The following CCDC171 variants were observed in gnomAD, a reference collection of about 807,000 sequenced individuals.
CCDC171 encodes the protein coiled-coil domain containing 171, also known as coiled-coil domain-containing protein 171.
In CCDC171, 177 loss-of-function variants were observed where a neutral mutation model predicts 168.2. The ratio of observed to expected loss-of-function variants is 1.05; its 90% CI spans 0.93 to 1.19. The LOEUF is 1.19. Ranked by LOEUF, CCDC171 falls within the 50% of genes most tolerant of loss-of-function variation. CCDC171 has a pLI of 0.00. For missense variants in CCDC171, 1,991 were observed against 1,539.0 expected (o/e 1.29, Z -4.91); for synonymous variants, 687 against 540.8 (o/e 1.27, Z -3.75).
Position 15,779,045 on chromosome 9 carries a change from A to C in CCDC171, c.2976A>C (p.Ser992=). 1 of 1,605,188 alleles carries C rather than the reference A, an allele frequency of 6.2e-7. No homozygotes were observed. The highest frequency in any genetic ancestry group is 8.5e-7 in the Non-Finnish European group (1 of 1,176,156). The change falls in exon 20 of 26, where the codon TCA becomes TCC. Residue 992 remains serine, a synonymous_variant. Coordinates refer to ENST00000380701, the MANE Select transcript of CCDC171 (RefSeq NM_173550.4). ...ATGCTGCAGAAGTGGAGCGCCGCTC[A>C]CTACGCTTAGAGGTCACAGAATTCA... The part of the protein sequence containing the change: ...RLHAAEVERR[S]LRLEVTEFKR...
intron 25 of CCDC171, among the ~76,000 whole-genome samples, chr9:15,966,736 A>G (rs992672385): frequency 6.6e-6 from 1 of 152,176 alleles, no homozygotes; most frequent in African/African-American, 2.4e-5. Flanking sequence ...TGATGTCAGT[A>G]AGATAGTCAA....
chr9:15,578,258 A>G (rs1191412933), intron 3 of CCDC171, among the ~76,000 whole-genome samples: 1 of 146,918 alleles, frequency 6.8e-6, no homozygotes, highest in African/African-American at 2.5e-5. Context: ...TTTTTTTTAG[A>G]CGGTCTTGCT....
At chr9:15,581,974 TATC>T (rs1156775965) in intron 4 of CCDC171, among the ~76,000 whole-genome samples, 4 of 152,290 alleles carry the variant, frequency 2.6e-5, no homozygotes, top group African/African-American at 7.2e-5. Context: ...CAAAAGAAAC[TATC>T]ATCAGAATGA....
intron 6 of CCDC171, among the ~76,000 whole-genome samples, chr9:15,594,670 A>C (rs576391814): frequency 6.6e-6 from 1 of 152,140 alleles, no homozygotes; most frequent in Non-Finnish European, 1.5e-5. Context: ...CCCTTTATAC[A>C]TGAGCAGATG....
At position 15,650,227 on chromosome 9, in the gene CCDC171, C is replaced by T. The variant is rs2047400154; in HGVS notation, c.823-6900C>T. On this transcript the variant is annotated intron_variant, in intron 7 of 25. Coordinates refer to ENST00000380701, the MANE Select transcript of CCDC171 (RefSeq NM_173550.4). ...GAACACTTGGACACAGGATGGGGAA[C>T]ATCACACACCGGGGCCTGTCGTGGG... Among the ~76,000 whole-genome samples the T allele has an allele frequency of 2.0e-5, 3 of 152,028 alleles. 1 individual carries two copies. The highest frequency in any genetic ancestry group is 4.1e-4 in the South Asian group (2 of 4,820).
Position 15,848,938 on chromosome 9 carries a change from G to T in CCDC171, c.3459G>T (p.Thr1153=), listed in dbSNP as rs756277398. 2.0e-6 allele frequency: 3 copies of T among 1,537,682 alleles called. No homozygotes were observed. Among genetic ancestry groups the T allele is most frequent in the African/African-American group, 2.8e-5 (2 of 71,702 alleles). Residue 1153 remains threonine, a synonymous_variant, in exon 23 of 26, where the codon ACG becomes ACT. Transcript: ENST00000380701. ...VANHMRAVEN[T]LHKVRDQISL... is the part of the protein sequence containing the mutation. ...ATCACATGAGAGCAGTAGAAAATAC[G>T]CTTCACAAGGTACTGTTATTTTTCT...
At position 15,779,157 on chromosome 9, in the gene CCDC171, A is replaced by G. The variant is rs2057516544; in HGVS notation, c.3081+7A>G. ...AAATGAATTTAAGCAGTCTGTAAGT[A>G]TATATCATTTAGGAAACTGTTGCTT... On this transcript the variant is annotated splice_region_variant and intron_variant, in intron 20 of 25. Coordinates refer to ENST00000380701, the MANE Select transcript of CCDC171 (RefSeq NM_173550.4). The G allele has an allele frequency of 1.4e-6, 2 of 1,476,216 alleles. No homozygotes were observed. Among genetic ancestry groups the G allele is most frequent in the South Asian group, 2.9e-5 (2 of 67,846 alleles). 91.4% of individuals were successfully genotyped at this position (1,476,216 alleles called of 1,614,324 possible). A position where few individuals can be genotyped will look rare whatever the true frequency, so the allele number is the denominator to read the frequency against.
At chr9:16,025,139 C>G (rs1276441349) in intron 6 of CCDC171, among the ~76,000 whole-genome samples, 4 of 152,168 alleles carry the variant, frequency 2.6e-5, no homozygotes, top group African/African-American at 9.7e-5. Flanking sequence ...AAATATATGT[C>G]CACATAAAAA....
chr9:15,852,797 A>G lies in CCDC171; in HGVS notation c.3468+3850A>G, dbSNP rs1014615387. Reference sequence around the variant, plus strand: ...CCCAACTTCATTTTTTTTATATGGCAATCCAATTATTCCAGCACCATTTGT... The same window carrying G: ...CCCAACTTCATTTTTTTTATATGGCGATCCAATTATTCCAGCACCATTTGT... On this transcript the variant is annotated intron_variant, in intron 23 of 25. Transcript: ENST00000380701. 2.0e-5 allele frequency among the ~76,000 whole-genome samples: 3 copies of G among 151,564 alleles called. No homozygotes were observed. The Admixed American group carries it at 2.0e-4, about 10-fold the overall frequency.
intron 6 of CCDC171, among the ~76,000 whole-genome samples, chr9:16,032,663 G>A (rs1178754422): frequency 1.3e-5 from 2 of 152,148 alleles, no homozygotes; most frequent in Non-Finnish European, 2.9e-5. Flanking sequence ...TATTGCCCAG[G>A]CTGGAGTACA....
chr9:15,849,698 A>G (rs1359169414), intron 23 of CCDC171, among the ~76,000 whole-genome samples: 2 of 151,846 alleles, frequency 1.3e-5, no homozygotes, highest in South Asian at 2.1e-4. Context: ...AAATGCAAAC[A>G]TTAAGTACTT....
chr9:16,091,544 C>G, the CCDC171 span, among the ~76,000 whole-genome samples: 1 of 152,200 alleles, frequency 6.6e-6, no homozygotes, highest in Non-Finnish European at 1.5e-5. Context: ...CCCTGGAGCA[C>G]AGGCCTGGTG....
intron 21 of CCDC171, among the ~76,000 whole-genome samples, chr9:15,846,113 A>C (rs549777960): frequency 2.6e-5 from 4 of 152,212 alleles, no homozygotes; most frequent in Admixed American, 1.3e-4. Flanking sequence ...GCTATCCTTG[A>C]CGTGAGAGTT....
At chr9:15,877,444 T>A (rs1311650086) in intron 24 of CCDC171, among the ~76,000 whole-genome samples, 1 of 152,148 alleles carries the variant, frequency 6.6e-6, no homozygotes, top group East Asian at 1.9e-4. Flanking sequence ...TTTTTCTGTA[T>A]CTTTCCATTT....
At chr9:15,874,190 A>G (rs947468959) in intron 23 of CCDC171, among the ~76,000 whole-genome samples, 2 of 152,182 alleles carry the variant, frequency 1.3e-5, no homozygotes, top group Admixed American at 1.3e-4. Flanking sequence ...TGATTAGGAG[A>G]TGGCTGTTGT....
At chr9:15,666,674 A>G (rs1336894152) in intron 9 of CCDC171, among the ~76,000 whole-genome samples, 1 of 152,166 alleles carries the variant, frequency 6.6e-6, no homozygotes. Context: ...AAAATAAAAA[A>G]ATTAGCCAAG....
At chr9:15,871,653 G>C (rs2062042329) in intron 23 of CCDC171, among the ~76,000 whole-genome samples, 1 of 151,876 alleles carries the variant, frequency 6.6e-6, no homozygotes, top group Non-Finnish European at 1.5e-5. Flanking sequence ...CAGCCTGCCT[G>C]TTCTATTTCT....
intron 24 of CCDC171, among the ~76,000 whole-genome samples, chr9:15,898,532 T>C (rs1821205885): frequency 6.6e-6 from 1 of 152,188 alleles, no homozygotes; most frequent in Admixed American, 6.5e-5. Flanking sequence ...AGAAGACTGG[T>C]TGGTCTAGTC....
At chr9:15,646,435 C>T (rs1159374155) in intron 7 of CCDC171, among the ~76,000 whole-genome samples, 1 of 152,070 alleles carries the variant, frequency 6.6e-6, no homozygotes, top group African/African-American at 2.4e-5. Flanking sequence ...CTAAATGCTC[C>T]AATTAAAAGA....
Sources: allele counts gnomAD v4.1 joint callset (sites outside exome capture counted in the v4.1 genomes callset), GRCh38; gene constraint gnomAD v4.1.1; transcripts MANE v1.5; gene names NCBI Gene and HGNC (gene_info 2026-07-23, HGNC 2026-07-21).